Variants in GREB1L observed in about 807,000 individuals in gnomAD.
GREB1L encodes the protein GREB1 like retinoic acid receptor coactivator.
GREB1L carries 17 observed loss-of-function variants against 200.8 expected under a neutral mutation model. The ratio of observed to expected loss-of-function variants is 0.08; its 90% CI spans 0.06 to 0.13. The LOEUF (loss-of-function observed/expected upper bound fraction) is 0.13, where lower values mean the gene tolerates loss of function less well. Ranked by LOEUF, GREB1L falls within the 10% of genes least tolerant of loss-of-function variation. The probability of loss-of-function intolerance (pLI) is 1.00; values close to 1 mark genes in which losing one functional copy is unlikely to be tolerated. For synonymous variants in GREB1L, 789 were observed against 893.0 expected, an observed-to-expected ratio of 0.88 and a Z score of 2.08; for missense variants, 1,657 against 2,367.7, an observed-to-expected ratio of 0.70 and a Z score of 6.23.
chr18:21,470,990 A>C (rs547508525), intron 15 of GREB1L, among the ~76,000 whole-genome samples: 3 of 152,350 alleles, frequency 2.0e-5, no homozygotes, highest in African/African-American at 7.2e-5. Flanking sequence ...GGTAGCTCTG[A>C]TGTGCCTGCT....
intron 1 of GREB1L, among the ~76,000 whole-genome samples, chr18:21,333,235 G>A (rs2039133662): frequency 6.6e-6 from 1 of 152,088 alleles, no homozygotes; most frequent in Non-Finnish European, 1.5e-5. Context: ...CGCATGCACT[G>A]GGTTCATTTA....
intron 1 of GREB1L, among the ~76,000 whole-genome samples, chr18:21,297,213 T>C (rs1158469385): frequency 2.0e-5 from 3 of 152,136 alleles, no homozygotes; most frequent in Non-Finnish European, 4.4e-5. Flanking sequence ...AGCACTGCTG[T>C]AGAGAAAAGA....
At chr18:21,439,965 A>G (rs1316346332) in intron 8 of GREB1L, among the ~76,000 whole-genome samples, 2 of 152,196 alleles carry the variant, frequency 1.3e-5, no homozygotes, top group Admixed American at 1.3e-4. Context: ...CCTTTTACAA[A>G]ATGGGTATAA....
At position 21,441,284 on chromosome 18, in the gene GREB1L, A is replaced by G. The variant is rs2033885851; in HGVS notation, c.1070-116A>G. On this transcript the variant is annotated intron_variant, in intron 9 of 32. Coordinates refer to ENST00000424526, the MANE Select transcript of GREB1L (RefSeq NM_001142966.3). ...ACACAATAAACCTAATGAAAAACAC[A>G]ACAAACCATTAGATTTCTAATGCTT... is the stretch of plus-strand genomic sequence containing the variant. 3.2e-6 allele frequency: 3 copies of G among 924,794 alleles called. No homozygotes were observed. In the East Asian group the frequency reaches 9.0e-5, roughly 28 times the overall value. 57.3% of individuals were successfully genotyped at this position (924,794 alleles called of 1,614,324 possible).
intron 7 of GREB1L, among the ~76,000 whole-genome samples, chr18:21,419,204 GA>G (rs2031928946): frequency 1.3e-5 from 2 of 152,178 alleles, no homozygotes; most frequent in Admixed American, 6.5e-5. Flanking sequence ...AGAGTTCGCA[GA>G]AGGACAAAAT....
intron 1 of GREB1L, among the ~76,000 whole-genome samples, chr18:21,279,927 A>G (rs2038239535): frequency 6.6e-6 from 1 of 152,240 alleles, no homozygotes. Flanking sequence ...CAGAAAGTAC[A>G]GAGGCTCCCA....
At chr18:21,312,561 TA>T in intron 1 of GREB1L, among the ~76,000 whole-genome samples, 1 of 151,910 alleles carries the variant, frequency 6.6e-6, no homozygotes, top group African/African-American at 2.4e-5. Flanking sequence ...TTTATTTATT[TA>T]TTTATTTTTT....
chr18:21,509,610 T>G (rs1027806391), intron 27 of GREB1L, among the ~76,000 whole-genome samples: 4 of 152,226 alleles, frequency 2.6e-5, no homozygotes, highest in African/African-American at 9.6e-5. Context: ...GGTTTTGTTT[T>G]GAATATAATT....
intron 10 of GREB1L, among the ~76,000 whole-genome samples, chr18:21,441,754 G>A (rs1239263241): frequency 6.6e-6 from 1 of 152,142 alleles, no homozygotes; most frequent in Non-Finnish European, 1.5e-5. Flanking sequence ...TTTAGTGGGG[G>A]AGTCTCACCT....
At chr18:21,517,021 G>A (rs1598961108) in intron 30 of GREB1L, among the ~76,000 whole-genome samples, 1 of 151,606 alleles carries the variant, frequency 6.6e-6, no homozygotes, top group Non-Finnish European at 1.5e-5. Flanking sequence ...TTAGAGGTCC[G>A]TGCCACCACG....
At chr18:21,319,437 G>A (rs2038919261) in intron 1 of GREB1L, among the ~76,000 whole-genome samples, 2 of 152,180 alleles carry the variant, frequency 1.3e-5, no homozygotes, top group Non-Finnish European at 2.9e-5. Flanking sequence ...AGGAAATTAT[G>A]CCGGAAGGCC....
At chr18:21,489,449 C>T (rs868153547) in intron 18 of GREB1L, among the ~76,000 whole-genome samples, 6 of 152,166 alleles carry the variant, frequency 3.9e-5, no homozygotes, top group Admixed American at 3.9e-4. Flanking sequence ...GTCTAATACT[C>T]GACAGATATT....
At position 21,444,464 on chromosome 18, in the gene GREB1L, A is replaced by G. The variant is rs965350124; in HGVS notation, c.1393+55A>G. Reference sequence around the variant, plus strand: ...TGACTACTTTTGAGGATTTTTTGTGATGTACTTTTTCTTTCTTTCTCACAT... The same window carrying G: ...TGACTACTTTTGAGGATTTTTTGTGGTGTACTTTTTCTTTCTTTCTCACAT... On this transcript the variant is annotated intron_variant, in intron 11 of 32. Transcript: ENST00000424526. 5.1e-6 allele frequency: 7 copies of G among 1,381,352 alleles called. No homozygotes were observed. In the Admixed American group the frequency reaches 1.3e-4, roughly 26 times the overall value. The allele number at this position is 1,381,352 out of a possible 1,614,324, so 85.6% of individuals were successfully genotyped here.
At chr18:21,429,697 A>C (rs1010565248) in intron 7 of GREB1L, among the ~76,000 whole-genome samples, 1 of 152,040 alleles carries the variant, frequency 6.6e-6, no homozygotes, top group African/African-American at 2.4e-5. Context: ...TTTTGTTTTT[A>C]ACTAATTTAG....
intron 7 of GREB1L, among the ~76,000 whole-genome samples, chr18:21,434,328 T>A (rs1226823495): frequency 6.6e-6 from 1 of 151,636 alleles, no homozygotes; most frequent in Non-Finnish European, 1.5e-5. Flanking sequence ...ATACAAAAAT[T>A]AGCTGGGCGT....
At chr18:21,277,192 C>T (rs1308856230) in intron 1 of GREB1L, among the ~76,000 whole-genome samples, 5 of 152,002 alleles carry the variant, frequency 3.3e-5, no homozygotes, top group Non-Finnish European at 4.4e-5. Flanking sequence ...CCTCCCAAAG[C>T]GCTGGGATTA....
At chr18:21,408,387 A>G (rs2030538785) in intron 7 of GREB1L, among the ~76,000 whole-genome samples, 1 of 152,234 alleles carries the variant, frequency 6.6e-6, no homozygotes, top group Admixed American at 6.5e-5. Flanking sequence ...TGACAGTCCA[A>G]CTGAAATATG....
At chr18:21,476,997 A>G (rs1194840561) in intron 16 of GREB1L, among the ~76,000 whole-genome samples, 167 bp from the exon 17 acceptor site, 1 of 152,228 alleles carries the variant, frequency 6.6e-6, no homozygotes, top group East Asian at 1.9e-4. Flanking sequence ...AAAAGAAGGA[A>G]TGTAAATTTT....
At chr18:21,390,147 G>A (rs1244473347) in intron 4 of GREB1L, among the ~76,000 whole-genome samples, 1 of 152,170 alleles carries the variant, frequency 6.6e-6, no homozygotes, top group Non-Finnish European at 1.5e-5. Flanking sequence ...TGATGCTGAT[G>A]TAAAGAAACC....
Sources: gnomAD v4.1 joint callset for allele counts (sites outside exome capture counted in the v4.1 genomes callset) on GRCh38, gnomAD v4.1.1 for gene constraint, MANE v1.5 for transcripts, NCBI Gene and HGNC (gene_info 2026-07-23, HGNC 2026-07-21) for gene names.